KPNA6: variants seen among roughly 807,000 people sequenced by gnomAD.
The protein encoded by KPNA6 is importin subunit alpha-7.
KPNA6 carries 9 observed loss-of-function variants against 72.0 expected under a neutral mutation model. The ratio of observed to expected loss-of-function variants is 0.13; its 90% confidence interval spans 0.08 to 0.22. The LOEUF (loss-of-function observed/expected upper bound fraction) is 0.22, where lower values mean the gene tolerates loss of function less well. Among genes scored for constraint, KPNA6 ranks in the 10% least tolerant of loss-of-function variants. KPNA6 has a pLI of 1.00. For missense variants in KPNA6, 374 were observed against 655.7 expected (o/e 0.57, Z 4.69); for synonymous variants, 219 against 242.1 (o/e 0.90, Z 0.89).
intron 1 of KPNA6, among the ~76,000 whole-genome samples, chr1:32,109,558 A>AGGC (rs911192234): frequency 6.6e-6 from 1 of 151,750 alleles, no homozygotes; most frequent in African/African-American, 2.4e-5. Flanking sequence ...TTTTAACCCT[A>AGGC]GGCAAAGTTG....
chr1:32,108,274 G>A, intron 1 of KPNA6, 140 bp downstream of exon 1: 1 of 1,279,370 alleles, frequency 7.8e-7, no homozygotes, highest in Non-Finnish European at 1.1e-6. Context: ...CAGGCCGGGA[G>A]TGCCCCTCTT....
Position 32,172,488 on chromosome 1 carries a change from T to A in KPNA6, c.*1594T>A, listed in dbSNP as rs1455570895. 1 of 148,738 alleles carries A rather than the reference T, an allele frequency of 6.7e-6. No homozygotes were observed. The highest frequency in any genetic ancestry group is 1.5e-5 in the Non-Finnish European group (1 of 67,710). 9.2% of individuals were successfully genotyped at this position (148,738 alleles called of 1,614,324 possible). Reference sequence around the variant, plus strand: ...ATTATCTATTATCACTGAAACTTAGTAGCCTGCTTTTTTTTTTTTTTTTTT... The same window carrying A: ...ATTATCTATTATCACTGAAACTTAGAAGCCTGCTTTTTTTTTTTTTTTTTT... On this transcript the variant is annotated 3_prime_UTR_variant, in exon 14 of 14. Coordinates refer to ENST00000373625, the MANE Select transcript of KPNA6 (RefSeq NM_012316.5).
Position 32,170,739 on chromosome 1 carries a change from G to A in KPNA6, c.1456G>A (p.Glu486Lys). 1.2e-6 allele frequency: 2 copies of A among 1,614,086 alleles called. No individual in the cohort carries two copies. Among genetic ancestry groups the A allele is most frequent in the Non-Finnish European group, 1.7e-6 (2 of 1,179,988 alleles). ...TAAAATTGAGTTTCTCCAGAGCCACGAGAACCAGGAGATCTACCAGAAGGC... is the reference window on the plus strand; with the variant it reads ...TAAAATTGAGTTTCTCCAGAGCCACAAGAACCAGGAGATCTACCAGAAGGC... ...LDKIEFLQSH[E>K]NQEIYQKAFD... The change falls in exon 14 of 14, where the codon GAG (glutamate) becomes AAG (lysine). Residue 486 changes from glutamate (E) to lysine (K), a missense_variant. By Grantham distance (56) the Glu-to-Lys change is moderately conservative (BLOSUM62 1). Around this residue, in one of 3 missense-constraint regions of KPNA6, gnomAD observed 34 missense variants for 110.5 expected, o/e 0.31. Coordinates refer to ENST00000373625, the MANE Select transcript of KPNA6 (RefSeq NM_012316.5).
rs567646556 is a variant in KPNA6 at position 32,138,649 on chromosome 1, A to G, written c.5-15939A>G. On this transcript the variant is annotated intron_variant, in intron 1 of 13. Coordinates refer to ENST00000373625, the MANE Select transcript of KPNA6 (RefSeq NM_012316.5). ...AGAGGACCAAAGGTAGGATTTTGGT[A>G]CACACTGACATTGAGAGGTTGGCTC... Among the ~76,000 whole-genome samples, 238 of 152,082 alleles carry G rather than the reference A, an allele frequency of 1.6e-3. 1 individual carries two copies. The highest frequency in any genetic ancestry group is 5.4e-3 in the African/African-American group (224 of 41,490).
intron 1 of KPNA6, among the ~76,000 whole-genome samples, chr1:32,134,522 C>T (rs1641698676): frequency 6.6e-6 from 1 of 151,578 alleles, no homozygotes; most frequent in Non-Finnish European, 1.5e-5. Flanking sequence ...CCTATAATCT[C>T]AGCTACCTGG....
intron 1 of KPNA6, among the ~76,000 whole-genome samples, chr1:32,147,769 T>TCCACCTCGTCCTC: frequency 6.7e-6 from 1 of 149,620 alleles, no homozygotes; most frequent in South Asian, 2.2e-4. Context: ...TGGTGATCCT[T>TCCACCTCGTCCTC]CCACCTCGTC....
At chr1:32,113,318 G>A (rs1307385315) in intron 1 of KPNA6, among the ~76,000 whole-genome samples, 4 of 152,066 alleles carry the variant, frequency 2.6e-5, no homozygotes, top group Non-Finnish European at 5.9e-5. Flanking sequence ...ACTTGAACCT[G>A]GGAGGTTGAG....
At chr1:32,112,111 A>G (rs1026133952) in intron 1 of KPNA6, among the ~76,000 whole-genome samples, 1 of 152,230 alleles carries the variant, frequency 6.6e-6, no homozygotes, top group Non-Finnish European at 1.5e-5. Flanking sequence ...TGGGAAGGGA[A>G]GCCTGGGGAA....
intron 1 of KPNA6, among the ~76,000 whole-genome samples, chr1:32,121,488 T>C (rs892573184): frequency 2.0e-5 from 3 of 152,128 alleles, no homozygotes; most frequent in African/African-American, 2.4e-5. Context: ...GGAATGGAGA[T>C]AGAGGTTTGA....
intron 1 of KPNA6, among the ~76,000 whole-genome samples, chr1:32,123,851 T>C (rs1641482136): frequency 6.6e-6 from 1 of 150,422 alleles, no homozygotes; most frequent in Non-Finnish European, 1.5e-5. Flanking sequence ...CTGGCCAACA[T>C]GGTGAAACCC....
intron 1 of KPNA6, among the ~76,000 whole-genome samples, chr1:32,125,469 G>A (rs1641515011): frequency 6.6e-6 from 1 of 151,828 alleles, no homozygotes; most frequent in South Asian, 2.1e-4. Flanking sequence ...TCGAGATCCA[G>A]CGATCAATCA....
At position 32,162,555 on chromosome 1, in the gene KPNA6, G is replaced by A. The variant is rs753526227; in HGVS notation, c.911+31G>A. The A allele has an allele frequency of 9.9e-6, 16 of 1,611,742 alleles. 1 individual carries two copies. In the South Asian group the frequency reaches 1.4e-4, roughly 14 times the overall value. ...TGGTCTTAGAAGGGGTACAGGTTCT[G>A]GCTGGGCACGGTGGCTTATGCTTAT... On this transcript the variant is annotated intron_variant, in intron 9 of 13. Coordinates refer to ENST00000373625, the MANE Select transcript of KPNA6 (RefSeq NM_012316.5).
rs756457266 is a variant in KPNA6 at position 32,171,646 on chromosome 1, TC to T, written c.*754del. The T allele has an allele frequency of 6.6e-6, 1 of 152,174 alleles. No individual in the cohort carries two copies. The highest frequency in any genetic ancestry group is 1.5e-5 in the Non-Finnish European group (1 of 68,046). The allele number at this position is 152,174 out of a possible 1,614,324, so 9.4% of individuals were successfully genotyped here. A position where few individuals can be genotyped will look rare whatever the true frequency, so the allele number is the denominator to read the frequency against. ...TTAGTTTGGGGGATCCTCCTCACTC[TC>T]CTGAAGTGTCTCAAGTATACCAGTG... On this transcript the variant is annotated 3_prime_UTR_variant, in exon 14 of 14. Transcript: ENST00000373625.
At chr1:32,119,340 A>C (rs1410159815) in intron 1 of KPNA6, among the ~76,000 whole-genome samples, 2 of 152,034 alleles carry the variant, frequency 1.3e-5, no homozygotes, top group Admixed American at 6.6e-5. Flanking sequence ...CAGGCCCTAC[A>C]TTAAATATAA....
At chr1:32,149,063 C>G (rs1267945344) in intron 1 of KPNA6, among the ~76,000 whole-genome samples, 1 of 152,098 alleles carries the variant, frequency 6.6e-6, no homozygotes, top group Non-Finnish European at 1.5e-5. Flanking sequence ...TTTATTCTTT[C>G]TGCTCCTCAG....
Position 32,142,039 on chromosome 1 carries a change from C to T in KPNA6, c.5-12549C>T, listed in dbSNP as rs1235686822. ...ATCCCAGCACTTTGGGAAGCCAAGG[C>T]GGGCGGATCACGGAGTTTGAGACCA... On this transcript the variant is annotated intron_variant, in intron 1 of 13. Transcript: ENST00000373625. 4.6e-5 allele frequency among the ~76,000 whole-genome samples: 7 copies of T among 152,052 alleles called. No individual in the cohort carries two copies. In the South Asian group the frequency reaches 8.3e-4, roughly 18 times the overall value.
chr1:32,139,011 C>T (rs1470495597), intron 1 of KPNA6, among the ~76,000 whole-genome samples: 1 of 152,138 alleles, frequency 6.6e-6, no homozygotes, highest in Non-Finnish European at 1.5e-5. Context: ...CTGCTTCACT[C>T]CAGTCACAAG....
intron 10 of KPNA6, among the ~76,000 whole-genome samples, chr1:32,165,589 C>G: frequency 6.6e-6 from 1 of 152,050 alleles, no homozygotes; most frequent in East Asian, 1.9e-4. Flanking sequence ...GAGTCCCCAG[C>G]TACTCAGGAG....
rs186804273 is a variant in KPNA6 at position 32,144,720 on chromosome 1, G to A, written c.5-9868G>A. Among the ~76,000 whole-genome samples, 298 of 151,696 alleles carry A rather than the reference G, an allele frequency of 2.0e-3. 1 individual carries two copies. The highest frequency in any genetic ancestry group is 6.7e-3 in the African/African-American group (277 of 41,356). On this transcript the variant is annotated intron_variant, in intron 1 of 13. Coordinates refer to ENST00000373625, the MANE Select transcript of KPNA6 (RefSeq NM_012316.5). ...GGGTGGAATGCAGTGGCACAATCTCGCCTCACTGTAACCTCCACCTTCCAG... is the reference window on the plus strand; with the variant it reads ...GGGTGGAATGCAGTGGCACAATCTCACCTCACTGTAACCTCCACCTTCCAG...
Sources: allele counts gnomAD v4.1 joint callset (sites outside exome capture counted in the v4.1 genomes callset), GRCh38; gene constraint gnomAD v4.1.1; regional missense constraint gnomAD v4.1.1; transcripts MANE v1.5; gene names NCBI Gene and HGNC (gene_info 2026-07-23, HGNC 2026-07-21).